Variants in ZFAT observed in about 807,000 individuals in gnomAD.
ZFAT encodes zinc finger protein ZFAT.
A neutral mutation model predicts 117.7 loss-of-function variants in ZFAT; 64 were observed. That is an observed-to-expected ratio of 0.54 (90% CI 0.44 to 0.67). The LOEUF is 0.67. Among genes scored for constraint, ZFAT ranks in the 30% least tolerant of loss-of-function variants. ZFAT has a pLI of 0.00. For synonymous variants in ZFAT, 679 were observed against 615.0 expected (o/e 1.10, Z -1.54); for missense variants, 1,433 against 1,584.5 (o/e 0.90, Z 1.62).
At chr8:134,491,156 C>T (rs1818028976) in intron 15 of ZFAT, among the ~76,000 whole-genome samples, 1 of 152,216 alleles carries the variant, frequency 6.6e-6, no homozygotes, top group African/African-American at 2.4e-5. Flanking sequence ...TAGAACCTAA[C>T]TGTTTCACAT....
intron 8 of ZFAT, 49 bp from the exon 9 acceptor site, chr8:134,588,444 G>T: frequency 6.6e-7 from 1 of 1,519,032 alleles, no homozygotes; most frequent in Non-Finnish European, 8.8e-7. Flanking sequence ...CTCAGGGGAA[G>T]TTAGACATAA....
At chr8:134,743,359 G>A in the ZFAT span, among the ~76,000 whole-genome samples, 13 of 152,000 alleles carry the variant, frequency 8.6e-5, no homozygotes. Flanking sequence ...TCTGGTGATG[G>A]GCGCCTGTAA....
intron 10 of ZFAT, among the ~76,000 whole-genome samples, chr8:134,577,774 T>C (rs1476963059): frequency 1.3e-5 from 2 of 152,052 alleles, no homozygotes; most frequent in Non-Finnish European, 2.9e-5. Flanking sequence ...AGGGTTGGTT[T>C]AAAGAGAAAG....
At chr8:134,756,628 A>G in the ZFAT span, among the ~76,000 whole-genome samples, 1 of 152,086 alleles carries the variant, frequency 6.6e-6, no homozygotes, top group African/African-American at 2.4e-5. Flanking sequence ...TCACAGCTGC[A>G]CCCCTCTCTG....
In ZFAT at chr8:134,512,527, C is replaced by G. The variant is rs1586617707; in HGVS notation, c.3309G>C (p.Gly1103=). 6.2e-7 allele frequency: 1 copy of G among 1,614,014 alleles called. No homozygotes were observed. Among genetic ancestry groups the G allele is most frequent in the East Asian group, 2.2e-5 (1 of 44,888 alleles). Reference sequence around the variant, plus strand: ...GGAGCGCGGCCACCGCTGCCTGTGTCCCTTGAACGTCTTCTTCGGCCTCTG... The same window carrying G: ...GGAGCGCGGCCACCGCTGCCTGTGTGCCTTGAACGTCTTCTTCGGCCTCTG... ...HITEAEEDVQ[G]TQAAVAALQD... The change falls in exon 14 of 16, where the codon GGG becomes GGC. Residue 1103 remains glycine (G), a synonymous_variant. Transcript: ENST00000377838.
chr8:134,539,985 C>T (rs779034988), intron 11 of ZFAT, among the ~76,000 whole-genome samples: 7 of 152,252 alleles, frequency 4.6e-5, no homozygotes, highest in South Asian at 2.1e-4. Flanking sequence ...GCCTACCTGA[C>T]GGAGATTAGA....
chr8:134,730,972 C>A, the ZFAT span, among the ~76,000 whole-genome samples: 1 of 152,164 alleles, frequency 6.6e-6, no homozygotes. Context: ...GAAACGGTTG[C>A]CCCTTGAGGC....
intron 9 of ZFAT, among the ~76,000 whole-genome samples, chr8:134,585,605 C>T (rs1016002188): frequency 1.3e-5 from 2 of 152,194 alleles, no homozygotes; most frequent in Non-Finnish European, 2.9e-5. Context: ...TCTTTGCCCA[C>T]CCACGGGCCG....
the ZFAT span, among the ~76,000 whole-genome samples, chr8:134,748,989 G>GA: frequency 2.0e-5 from 3 of 151,134 alleles, no homozygotes; most frequent in Non-Finnish European, 2.9e-5. Flanking sequence ...TTTAGAAAAA[G>GA]AAAAAAAAGT....
the ZFAT span, among the ~76,000 whole-genome samples, chr8:134,763,327 GTTC>G: frequency 2.0e-5 from 3 of 152,080 alleles, no homozygotes; most frequent in Non-Finnish European, 4.4e-5. Flanking sequence ...CCCCTACAAT[GTTC>G]TTCTTGGAAC....
chr8:134,622,984 T>C (rs1299199790), intron 3 of ZFAT, among the ~76,000 whole-genome samples: 2 of 152,032 alleles, frequency 1.3e-5, no homozygotes, highest in African/African-American at 4.8e-5. Context: ...TTACAAAGGG[T>C]CTCTTCCTTA....
At chr8:134,512,807 A>T (rs530702593) in intron 13 of ZFAT, among the ~76,000 whole-genome samples, 4 of 152,318 alleles carry the variant, frequency 2.6e-5, no homozygotes, top group Non-Finnish European at 5.9e-5. Context: ...ACCTTTAAAA[A>T]CTAGCTTTGG....
chr8:134,748,291 G>T, the ZFAT span, among the ~76,000 whole-genome samples: 1 of 152,184 alleles, frequency 6.6e-6, no homozygotes, highest in Admixed American at 6.5e-5. Flanking sequence ...ACTTTTCCTT[G>T]TAGGTTTATT....
chr8:134,673,858 A>C (rs1032550504), intron 1 of ZFAT, among the ~76,000 whole-genome samples: 7 of 152,210 alleles, frequency 4.6e-5, no homozygotes, highest in Non-Finnish European at 1.0e-4. Context: ...CACGCCTATA[A>C]TCCCAGCACT....
the ZFAT span, among the ~76,000 whole-genome samples, chr8:134,745,903 GT>G: frequency 6.6e-6 from 1 of 152,172 alleles, no homozygotes; most frequent in Non-Finnish European, 1.5e-5. Flanking sequence ...GAAAGATGGG[GT>G]TGGTTGCAGT....
chr8:134,668,656 A>G (rs1054319888), intron 1 of ZFAT, among the ~76,000 whole-genome samples: 2 of 152,232 alleles, frequency 1.3e-5, no homozygotes, highest in African/African-American at 4.8e-5. Flanking sequence ...ATGGGGAAAA[A>G]ACAGAGCAGA....
intron 2 of ZFAT, among the ~76,000 whole-genome samples, chr8:134,650,282 C>T (rs1831161104): frequency 6.6e-6 from 1 of 151,778 alleles, no homozygotes; most frequent in East Asian, 1.9e-4. Context: ...CACGTGCCAC[C>T]ACACCCAGCT....
the ZFAT span, among the ~76,000 whole-genome samples, chr8:134,750,583 T>C: frequency 7.9e-3 from 1,206 of 152,286 alleles, 24 homozygotes; most frequent in Middle Eastern, 0.02. Flanking sequence ...ACTGTATATA[T>C]TTATGATCTA....
chr8:134,823,918 ACT>A, the ZFAT span, among the ~76,000 whole-genome samples: 1 of 152,066 alleles, frequency 6.6e-6, no homozygotes, highest in Non-Finnish European at 1.5e-5. Context: ...TGTCACTAAA[ACT>A]CTTTTGCACA....
Sources: gnomAD v4.1 joint callset for allele counts (sites outside exome capture counted in the v4.1 genomes callset) on GRCh38, gnomAD v4.1.1 for gene constraint, MANE v1.5 for transcripts, NCBI Gene and HGNC (gene_info 2026-07-23, HGNC 2026-07-21) for gene names.